PTPRN2: variants seen among roughly 807,000 people sequenced by gnomAD.
PTPRN2 encodes receptor-type tyrosine-protein phosphatase N2.
Under a neutral mutation model 118.8 loss-of-function variants are expected in PTPRN2, and 74 were observed. That is an observed-to-expected ratio of 0.62 (90% CI 0.52 to 0.76). The LOEUF is 0.76. Among genes scored for constraint, PTPRN2 ranks in the 30% least tolerant of loss-of-function variants. PTPRN2 has a pLI of 0.00. For synonymous variants in PTPRN2, 641 were observed against 608.0 expected (o/e 1.05, Z -0.80); for missense variants, 1,481 against 1,394.4 (o/e 1.06, Z -0.99).
In PTPRN2 at chr7:158,196,647, C is replaced by T. The variant is rs139854977; in HGVS notation, c.381-4152G>A. 3.8e-3 allele frequency among the ~76,000 whole-genome samples: 586 copies of T among 152,310 alleles called. 7 individuals are homozygous for T. The highest frequency in any genetic ancestry group is 0.013 in the African/African-American group (557 of 41,566). On this transcript the variant is annotated intron_variant, in intron 4 of 22. Coordinates refer to ENST00000389418, the MANE Select transcript of PTPRN2 (RefSeq NM_002847.5). ...CAGAGTCTGCTGTCCAGACACCCAA[C>T]CGAGATGTAGCTCCCCGGGCACCCC...
chr7:157,581,032 A>C (rs1258915172), intron 17 of PTPRN2, among the ~76,000 whole-genome samples: 2 of 108,040 alleles, frequency 1.9e-5, no homozygotes, highest in African/African-American at 7.6e-5. Context: ...CAGCACCTGC[A>C]CACCCCAGCA....
intron 2 of PTPRN2, among the ~76,000 whole-genome samples, chr7:158,335,282 TGTCA>T (rs1805347131): frequency 4.4e-5 from 1 of 22,728 alleles, no homozygotes; most frequent in Non-Finnish European, 9.6e-5. Flanking sequence ...ACACCCACAC[TGTCA>T]CCATAAGAGC....
intron 12 of PTPRN2, among the ~76,000 whole-genome samples, chr7:157,805,509 A>C (rs1805576364): frequency 6.6e-6 from 1 of 152,206 alleles, no homozygotes; most frequent in African/African-American, 2.4e-5. Flanking sequence ...CATGCGAAGA[A>C]TTTAAATGAG....
intron 12 of PTPRN2, among the ~76,000 whole-genome samples, chr7:157,882,598 C>T (rs1456165777): frequency 6.8e-6 from 1 of 147,608 alleles, no homozygotes; most frequent in Non-Finnish European, 1.5e-5. Flanking sequence ...TGTCGAAGAC[C>T]AGAACACACC....
At chr7:158,062,424 C>T (rs1810414248) in intron 11 of PTPRN2, among the ~76,000 whole-genome samples, 1 of 152,226 alleles carries the variant, frequency 6.6e-6, no homozygotes, top group South Asian at 2.1e-4. Context: ...CCCTTGCAGC[C>T]CTCGCTCACT....
Position 158,250,183 on chromosome 7 carries a change from G to A in PTPRN2, c.278-44910C>T, listed in dbSNP as rs558677534. Among the ~76,000 whole-genome samples, 28 of 152,238 alleles carry A rather than the reference G, an allele frequency of 1.8e-4. No individual in the cohort carries two copies. The South Asian group carries it at 2.1e-3, about 11-fold the overall frequency. On this transcript the variant is annotated intron_variant, in intron 3 of 22. Transcript: ENST00000389418. ...AATACTTATACTATCAAGGAAAGCCGAACAACAGGACCCACAATCGGATCT... is the reference window on the plus strand; with the variant it reads ...AATACTTATACTATCAAGGAAAGCCAAACAACAGGACCCACAATCGGATCT...
intron 3 of PTPRN2, among the ~76,000 whole-genome samples, chr7:158,283,437 CACT>C (rs951165485): frequency 6.6e-6 from 1 of 152,148 alleles, no homozygotes; most frequent in Admixed American, 6.5e-5. Flanking sequence ...CTGAGACCAC[CACT>C]GAGAGGGTAA....
At chr7:158,109,304 CCT>C (rs1491157797) in intron 10 of PTPRN2, among the ~76,000 whole-genome samples, 3 of 148,712 alleles carry the variant, frequency 2.0e-5, no homozygotes, top group Non-Finnish European at 4.4e-5. Flanking sequence ...TGACATCACC[CCT>C]GTGTGAAGGA....
chr7:158,329,883 A>T (rs1169166099), intron 2 of PTPRN2, among the ~76,000 whole-genome samples: 3 of 152,116 alleles, frequency 2.0e-5, no homozygotes, highest in South Asian at 4.1e-4. Flanking sequence ...TGACTGAGAA[A>T]ATGCGGTCAC....
At chr7:157,752,661 G>A (rs576674969) in intron 12 of PTPRN2, among the ~76,000 whole-genome samples, 124 of 152,298 alleles carry the variant, frequency 8.1e-4, no homozygotes, top group African/African-American at 2.9e-3. Flanking sequence ...AGGTACAGAG[G>A]CCACCCTCTC....
chr7:158,528,046 G>T lies in PTPRN2; in HGVS notation c.113-38261C>A, dbSNP rs193125502. Among the ~76,000 whole-genome samples the T allele has an allele frequency of 4.5e-4, 68 of 152,340 alleles. No individual in the cohort carries two copies. The East Asian group carries it at 0.012, about 26-fold the overall frequency. On this transcript the variant is annotated intron_variant, in intron 1 of 22. Transcript: ENST00000389418. ...AAACGACAGGGTAGGGGGCAGGCAGGGACAGCCGAGGAGCTGCTCCTGGGT... is the reference window on the plus strand; with the variant it reads ...AAACGACAGGGTAGGGGGCAGGCAGTGACAGCCGAGGAGCTGCTCCTGGGT...
chr7:157,778,121 AAC>A (rs1286697753), intron 12 of PTPRN2, among the ~76,000 whole-genome samples: 10 of 152,234 alleles, frequency 6.6e-5, no homozygotes, highest in African/African-American at 2.4e-4. Context: ...GAGCTCCAAG[AAC>A]ACACAGACTC....
intron 12 of PTPRN2, among the ~76,000 whole-genome samples, chr7:157,722,568 A>G (rs1799300311): frequency 6.6e-6 from 1 of 152,178 alleles, no homozygotes; most frequent in East Asian, 1.9e-4. Context: ...TTTGCACTGA[A>G]ATGTGTGGAC....
At chr7:158,531,880 A>G (rs1055217023) in intron 1 of PTPRN2, among the ~76,000 whole-genome samples, 38 of 152,216 alleles carry the variant, frequency 2.5e-4, no homozygotes, top group Non-Finnish European at 4.6e-4. Context: ...GGCACCTGGA[A>G]GCTGAACGCA....
At position 157,569,608 on chromosome 7, in the gene PTPRN2, A is replaced by T. The variant is rs140079455; in HGVS notation, c.2838-642T>A. Among the ~76,000 whole-genome samples the T allele has an allele frequency of 2.4e-3, 369 of 152,366 alleles. 4 individuals are homozygous for T. Among genetic ancestry groups the T allele is most frequent in the African/African-American group, 8.6e-3 (359 of 41,592 alleles). On this transcript the variant is annotated intron_variant, in intron 20 of 22. Transcript: ENST00000389418. ...TTTACCATCTGGGCTAGAGTTGTAA[A>T]AATGTTTTGAATAATACTTCAACAG...
At chr7:157,905,096 C>T (rs1358742306) in intron 11 of PTPRN2, among the ~76,000 whole-genome samples, 1 of 152,206 alleles carries the variant, frequency 6.6e-6, no homozygotes, top group Admixed American at 6.5e-5. Flanking sequence ...CACGTCTGCA[C>T]TGGGGAGCCC....
intron 2 of PTPRN2, among the ~76,000 whole-genome samples, chr7:158,338,630 A>C (rs1332999695): frequency 2.9e-5 from 2 of 69,724 alleles, no homozygotes; most frequent in Non-Finnish European, 5.2e-5. Context: ...TCACACCCAT[A>C]CTCTCACCAT....
chr7:157,924,075 G>T (rs1798834715), intron 11 of PTPRN2, among the ~76,000 whole-genome samples: 1 of 152,150 alleles, frequency 6.6e-6, no homozygotes, highest in Admixed American at 6.5e-5. Context: ...GCAAGGTTGT[G>T]TGTCACGCTG....
chr7:157,786,017 G>T (rs1163812609), intron 12 of PTPRN2, among the ~76,000 whole-genome samples: 1 of 152,154 alleles, frequency 6.6e-6, no homozygotes, highest in African/African-American at 2.4e-5. Context: ...CCGTGCAAGT[G>T]CCAGGCCCCT....
Sources: allele counts gnomAD v4.1 joint callset (sites outside exome capture counted in the v4.1 genomes callset), GRCh38; gene constraint gnomAD v4.1.1; transcripts MANE v1.5; gene names NCBI Gene and HGNC (gene_info 2026-07-23, HGNC 2026-07-21).